HERPUD2: variants seen among roughly 807,000 people sequenced by gnomAD.
HERPUD2 encodes HERPUD family member 2.
In HERPUD2, 13 loss-of-function variants were observed where a neutral mutation model predicts 49.9. The ratio of observed to expected loss-of-function variants is 0.26; its 90% CI spans 0.17 to 0.41. The LOEUF (loss-of-function observed/expected upper bound fraction) is 0.41, where lower values mean the gene tolerates loss of function less well. HERPUD2 is among the 10% of genes least tolerant of loss of function. HERPUD2 has a pLI of 1.00. For missense variants in HERPUD2, 449 were observed against 492.2 expected (o/e 0.91, Z 0.83); for synonymous variants, 172 against 171.4 (o/e 1.00, Z -0.03).
In HERPUD2 at chr7:35,673,234, G is replaced by T. The variant is rs368898237; in HGVS notation, c.192C>A (p.Pro64=). 1.2e-6 allele frequency: 2 copies of T among 1,611,842 alleles called. No individual in the cohort carries two copies. Among genetic ancestry groups the T allele is most frequent in the Non-Finnish European group, 1.7e-6 (2 of 1,178,970 alleles). The part of the protein sequence containing the change: ...QRLVYSGRLL[P]DHLQLKDILR... ...GAATGTCTTTCAGCTGCAGATGATC[G>T]GGAAGCAGTCTGCCCGAATACACCA... Residue 64 remains proline, a synonymous_variant, in exon 3 of 9, where the codon CCC becomes CCA. Transcript: ENST00000311350.
intron 5 of HERPUD2, among the ~76,000 whole-genome samples, chr7:35,654,206 G>A (rs1785227707): frequency 6.7e-6 from 1 of 150,028 alleles, no homozygotes; most frequent in Non-Finnish European, 1.5e-5. Context: ...TAGAGGGAAA[G>A]AAATAATAAA....
At chr7:35,689,618 A>G (rs893980247) in intron 2 of HERPUD2, among the ~76,000 whole-genome samples, 1 of 152,236 alleles carries the variant, frequency 6.6e-6, no homozygotes, top group African/African-American at 2.4e-5. Flanking sequence ...ACCTATATAT[A>G]CAATTGGTTC....
intron 5 of HERPUD2, among the ~76,000 whole-genome samples, chr7:35,657,329 A>G (rs1785296148): frequency 6.6e-6 from 1 of 152,162 alleles, no homozygotes; most frequent in Non-Finnish European, 1.5e-5. Context: ...CCCCTGTTAG[A>G]ATGGCTATTA....
At chr7:35,653,340 T>C (rs943329480) in intron 5 of HERPUD2, among the ~76,000 whole-genome samples, 9 of 152,188 alleles carry the variant, frequency 5.9e-5, no homozygotes, top group Admixed American at 2.0e-4. Context: ...GGTCATTATA[T>C]AATGATAAAG....
At chr7:35,687,931 C>T (rs377655830) in intron 2 of HERPUD2, among the ~76,000 whole-genome samples, 15 of 152,128 alleles carry the variant, frequency 9.9e-5, no homozygotes, top group African/African-American at 3.1e-4. Flanking sequence ...AATCATGTTC[C>T]TAGTATATCC....
intron 2 of HERPUD2, among the ~76,000 whole-genome samples, chr7:35,690,024 G>A (rs1012738748): frequency 6.6e-6 from 1 of 152,026 alleles, no homozygotes; most frequent in Non-Finnish European, 1.5e-5. Context: ...CAACCGTTTT[G>A]GTATTTACAT....
At chr7:35,643,069 A>G (rs974663688) in intron 5 of HERPUD2, among the ~76,000 whole-genome samples, 1 of 152,216 alleles carries the variant, frequency 6.6e-6, no homozygotes, top group African/African-American at 2.4e-5. Context: ...CTGCCCTTTA[A>G]TAAAACCTTT....
At chr7:35,660,776 T>A (rs915346548) in intron 5 of HERPUD2, among the ~76,000 whole-genome samples, 1 of 152,250 alleles carries the variant, frequency 6.6e-6, no homozygotes, top group Non-Finnish European at 1.5e-5. Flanking sequence ...TTCTGGATAT[T>A]AGCCCTTTGT....
At chr7:35,679,107 TA>T (rs1295934434) in intron 2 of HERPUD2, among the ~76,000 whole-genome samples, 1 of 152,144 alleles carries the variant, frequency 6.6e-6, no homozygotes, top group African/African-American at 2.4e-5. Context: ...CAATACAAGT[TA>T]AATAAATTTA....
chr7:35,658,157 T>A (rs1785323048), intron 5 of HERPUD2, among the ~76,000 whole-genome samples: 1 of 152,168 alleles, frequency 6.6e-6, no homozygotes, highest in Non-Finnish European at 1.5e-5. Flanking sequence ...TAAAAGAGGA[T>A]GAAATCCTGT....
At chr7:35,655,270 C>G (rs1205644693) in intron 5 of HERPUD2, among the ~76,000 whole-genome samples, 3 of 152,046 alleles carry the variant, frequency 2.0e-5, no homozygotes, top group Non-Finnish European at 4.4e-5. Context: ...AAGGACACAA[C>G]AAAAACAACA....
chr7:35,644,939 T>C lies in HERPUD2; in HGVS notation c.495-6467A>G, dbSNP rs151135504. Among the ~76,000 whole-genome samples the C allele has an allele frequency of 6.6e-5, 10 of 152,284 alleles. No individual in the cohort carries two copies. In the East Asian group the frequency reaches 1.9e-3, roughly 29 times the overall value. On this transcript the variant is annotated intron_variant, in intron 5 of 8. Transcript: ENST00000311350. ...AATTTTGTTGAGATTTCTAATGGTA[T>C]TGTGATTAAGATTTTTTAAAGCCCA...
At chr7:35,673,643 T>C (rs113976987) in intron 2 of HERPUD2, among the ~76,000 whole-genome samples, 9 of 152,272 alleles carry the variant, frequency 5.9e-5, no homozygotes, top group African/African-American at 2.2e-4. Context: ...TGGTTGGCCT[T>C]ATATTAATCG....
intron 2 of HERPUD2, among the ~76,000 whole-genome samples, chr7:35,685,782 A>T (rs1786025968): frequency 1.3e-5 from 2 of 152,016 alleles, no homozygotes; most frequent in Non-Finnish European, 2.9e-5. Flanking sequence ...GTTCCAGACC[A>T]GTCTGGCCAA....
intron 2 of HERPUD2, among the ~76,000 whole-genome samples, chr7:35,687,961 T>C (rs1245347296): frequency 2.0e-5 from 3 of 152,186 alleles, no homozygotes; most frequent in Non-Finnish European, 4.4e-5. Flanking sequence ...ATAATCAAAT[T>C]TCATATGCTA....
intron 4 of HERPUD2, 54 bp downstream of exon 4, chr7:35,670,161 C>T (rs1016634568): frequency 9.3e-6 from 8 of 862,762 alleles, no homozygotes; most frequent in South Asian, 3.7e-5. Context: ...AAAAATAAGA[C>T]GACGACGAAA....
intron 2 of HERPUD2, among the ~76,000 whole-genome samples, chr7:35,674,316 C>T (rs1294279905): frequency 1.4e-5 from 2 of 146,902 alleles, no homozygotes; most frequent in African/African-American, 2.5e-5. Flanking sequence ...TGCACATGTA[C>T]AAACTCCTAT....
chr7:35,677,662 T>C (rs1219617508), intron 2 of HERPUD2, among the ~76,000 whole-genome samples: 2 of 152,218 alleles, frequency 1.3e-5, no homozygotes, highest in African/African-American at 2.4e-5. Context: ...GTCTTCCTTT[T>C]GGTTTGTTTT....
At chr7:35,675,089 C>A (rs1220865218) in intron 2 of HERPUD2, among the ~76,000 whole-genome samples, 2 of 152,142 alleles carry the variant, frequency 1.3e-5, no homozygotes, top group Non-Finnish European at 2.9e-5. Context: ...TGAAGGGGGG[C>A]AGTCTTGTGG....
Sources: gnomAD v4.1 joint callset for allele counts (sites outside exome capture counted in the v4.1 genomes callset) on GRCh38, gnomAD v4.1.1 for gene constraint, MANE v1.5 for transcripts, NCBI Gene and HGNC (gene_info 2026-07-23, HGNC 2026-07-21) for gene names.